GNA14: variants seen among roughly 807,000 people sequenced by gnomAD.
The protein encoded by GNA14 is G protein subunit alpha 14, also known as guanine nucleotide-binding protein subunit alpha-14.
GNA14 carries 50 observed loss-of-function variants against 42.0 expected under a neutral mutation model. The observed-to-expected ratio is 1.19, with a 90% CI of 0.95 to 1.51. The LOEUF (loss-of-function observed/expected upper bound fraction) is 1.51, where lower values mean the gene tolerates loss of function less well. Among genes scored for constraint, GNA14 ranks in the 40% most tolerant of loss-of-function variants. The pLI is 0.00. For missense variants in GNA14, 473 were observed against 446.2 expected (o/e 1.06, Z -0.54); for synonymous variants, 173 against 163.1 (o/e 1.06, Z -0.46).
chr9:77,514,913 C>G (rs1291297991), intron 2 of GNA14, among the ~76,000 whole-genome samples: 1 of 152,108 alleles, frequency 6.6e-6, no homozygotes, highest in Admixed American at 6.5e-5. Context: ...GCGCCCAGCC[C>G]AGATTTCTTA....
intron 2 of GNA14, among the ~76,000 whole-genome samples, chr9:77,462,114 G>T (rs1334921555): frequency 6.6e-6 from 1 of 152,162 alleles, no homozygotes; most frequent in Non-Finnish European, 1.5e-5. Flanking sequence ...TCAGCAGCAT[G>T]ATTAAGGCTT....
At chr9:77,431,578 C>G in intron 3 of GNA14, 129 bp from the exon 4 acceptor site, 1 of 775,414 alleles carries the variant, frequency 1.3e-6, no homozygotes, top group Non-Finnish European at 2.1e-6. Flanking sequence ...CAATGACTTT[C>G]CTGAGAGCCA....
rs117157720 is a variant in GNA14, at chr9:77,540,555, C to T, written c.125-11302G>A. The stretch of plus-strand genomic sequence containing the variant: ...TTTTCTGTCTTCATGGTCTGTCTAA[C>T]GACGAGAGTGGAGTGTTGAAGTCCC... On this transcript the variant is annotated intron_variant, in intron 1 of 6. Coordinates refer to ENST00000341700, the MANE Select transcript of GNA14 (RefSeq NM_004297.4). Among the ~76,000 whole-genome samples, 365 of 152,218 alleles carry T rather than the reference C, an allele frequency of 2.4e-3. 1 individual carries two copies. Among genetic ancestry groups the T allele is most frequent in the Non-Finnish European group, 4.2e-3 (286 of 67,980 alleles).
At chr9:77,468,091 C>T (rs1224402602) in intron 2 of GNA14, among the ~76,000 whole-genome samples, 1 of 152,106 alleles carries the variant, frequency 6.6e-6, no homozygotes, top group African/African-American at 2.4e-5. Flanking sequence ...CAGAGGGGTC[C>T]TAGACTAGGA....
chr9:77,510,070 T>C (rs1269726482), intron 2 of GNA14, among the ~76,000 whole-genome samples: 4 of 152,204 alleles, frequency 2.6e-5, no homozygotes, highest in Non-Finnish European at 5.9e-5. Context: ...TTTTAGAGCA[T>C]TTTCAATCAT....
At chr9:77,608,482 T>C (rs1823673547) in intron 1 of GNA14, among the ~76,000 whole-genome samples, 1 of 152,084 alleles carries the variant, frequency 6.6e-6, no homozygotes, top group African/African-American at 2.4e-5. Context: ...GCCCACCCCA[T>C]GTGATTCTCT....
intron 1 of GNA14, among the ~76,000 whole-genome samples, chr9:77,535,720 A>G (rs987414286): frequency 2.6e-5 from 4 of 152,156 alleles, no homozygotes; most frequent in African/African-American, 9.7e-5. Flanking sequence ...TAATTTTGAC[A>G]GATTTGAAAA....
At chr9:77,615,468 G>A (rs1823796811) in intron 1 of GNA14, among the ~76,000 whole-genome samples, 1 of 151,990 alleles carries the variant, frequency 6.6e-6, no homozygotes, top group Non-Finnish European at 1.5e-5. Context: ...CAGACTGCAG[G>A]AGACAGCACT....
chr9:77,541,043 T>A (rs902456419), intron 1 of GNA14, among the ~76,000 whole-genome samples: 1 of 152,170 alleles, frequency 6.6e-6, no homozygotes, highest in African/African-American at 2.4e-5. Context: ...CTCTTGTTTG[T>A]CATTGTGGTT....
chr9:77,641,979 C>A (rs926205708), intron 1 of GNA14, among the ~76,000 whole-genome samples: 3 of 152,134 alleles, frequency 2.0e-5, no homozygotes, highest in Non-Finnish European at 2.9e-5. Flanking sequence ...TATTCTTATT[C>A]TTGCAAATTC....
intron 1 of GNA14, among the ~76,000 whole-genome samples, chr9:77,576,832 T>A (rs1823135945): frequency 6.6e-6 from 1 of 152,142 alleles, no homozygotes; most frequent in African/African-American, 2.4e-5. Context: ...TTTATGAGTG[T>A]TATCAGAAAC....
In GNA14 at chr9:77,434,523, C is replaced by G; in HGVS notation, c.310-1G>C. ...CTTCTCTGATTATCTGGGCATTTTC[C>G]TACTCAAAGGAAAGAGAACCTTGCA... On this transcript the variant is annotated splice_acceptor_variant, in intron 2 of 6. Transcript: ENST00000341700. LOFTEE classifies it high-confidence loss of function. The G allele has an allele frequency of 6.2e-7, 1 of 1,612,372 alleles. No homozygotes were observed. Among genetic ancestry groups the G allele is most frequent in the Non-Finnish European group, 8.5e-7 (1 of 1,179,286 alleles).
chr9:77,641,122 A>G (rs1587858286), intron 1 of GNA14, among the ~76,000 whole-genome samples: 1 of 39,338 alleles, frequency 2.5e-5, no homozygotes, highest in African/African-American at 2.0e-4. Context: ...GGAAGGAAGG[A>G]AGGAAGGAAG....
At chr9:77,534,775 G>A (rs770348494) in intron 1 of GNA14, among the ~76,000 whole-genome samples, 1 of 151,710 alleles carries the variant, frequency 6.6e-6, no homozygotes, top group Non-Finnish European at 1.5e-5. Flanking sequence ...TTTTTTTCTC[G>A]TTTCCTGATA....
At chr9:77,517,758 C>G (rs1411522525) in intron 2 of GNA14, among the ~76,000 whole-genome samples, 2 of 151,046 alleles carry the variant, frequency 1.3e-5, no homozygotes, top group African/African-American at 4.9e-5. Context: ...CAGATGCACA[C>G]CACACTCAGA....
At chr9:77,470,394 G>A (rs144679837) in intron 2 of GNA14, among the ~76,000 whole-genome samples, 135 of 152,348 alleles carry the variant, frequency 8.9e-4, no homozygotes, top group African/African-American at 2.9e-3. Context: ...CAGCACAGGT[G>A]AGAAATGATC....
rs1293002012 is a variant in GNA14 at position 77,648,212 on chromosome 9, G to A, written c.-419C>T. The stretch of plus-strand genomic sequence containing the variant: ...AGTAGGATCTCCTGGGCCTAGGGGT[G>A]TCCCCAGGCGGGAGGTAGGCGCGGA... On this transcript the variant is annotated 5_prime_UTR_variant, in exon 1 of 7. Coordinates refer to ENST00000341700, the MANE Select transcript of GNA14 (RefSeq NM_004297.4). The A allele has an allele frequency of 6.1e-5, 14 of 228,838 alleles. No individual in the cohort carries two copies. Among genetic ancestry groups the A allele is most frequent in the Non-Finnish European group, 1.1e-4 (13 of 117,124 alleles). 14.2% of individuals were successfully genotyped at this position (228,838 alleles called of 1,614,324 possible).
rs185983424 is a variant in GNA14, at chr9:77,549,866, G to A, written c.125-20613C>T. 5.1e-3 allele frequency among the ~76,000 whole-genome samples: 781 copies of A among 152,180 alleles called. 12 individuals carry two copies. Among genetic ancestry groups the A allele is most frequent in the African/African-American group, 0.018 (732 of 41,532 alleles). ...GTCCTCTCCCCAGCTTCACATCCTCGTTGCAAGCGCTTGGGACTCTATAAT... is the reference window on the plus strand; with the variant it reads ...GTCCTCTCCCCAGCTTCACATCCTCATTGCAAGCGCTTGGGACTCTATAAT... On this transcript the variant is annotated intron_variant, in intron 1 of 6. Transcript: ENST00000341700.
At chr9:77,539,153 G>C (rs1211985838) in intron 1 of GNA14, among the ~76,000 whole-genome samples, 1 of 152,170 alleles carries the variant, frequency 6.6e-6, no homozygotes, top group East Asian at 1.9e-4. Flanking sequence ...GGTTTTCATA[G>C]CTTTATTATT....
Sources: allele counts gnomAD v4.1 joint callset (sites outside exome capture counted in the v4.1 genomes callset), GRCh38; gene constraint gnomAD v4.1.1; transcripts MANE v1.5; gene names NCBI Gene and HGNC (gene_info 2026-07-23, HGNC 2026-07-21).